Variants in LOC400499 observed in about 807,000 individuals in gnomAD.
chr16:11,388,651 T>C, the LOC400499 span, among the ~76,000 whole-genome samples: 1 of 152,152 alleles, frequency 6.6e-6, no homozygotes, highest in African/African-American at 2.4e-5. Flanking sequence ...AAGGGTCTTT[T>C]AAAGTGAAAG....
the LOC400499 span, among the ~76,000 whole-genome samples, chr16:11,451,578 AC>A: frequency 7.9e-6 from 1 of 127,014 alleles, no homozygotes; most frequent in African/African-American, 3.1e-5. Flanking sequence ...AAACAAACAA[AC>A]AAAAAACCAA....
At chr16:11,445,845 T>TC in the LOC400499 span, among the ~76,000 whole-genome samples, 1 of 151,116 alleles carries the variant, frequency 6.6e-6, no homozygotes, top group South Asian at 2.1e-4. Flanking sequence ...TTTTTTTTTT[T>TC]TTTCCTGAGG....
At chr16:11,516,710 G>A in the LOC400499 span, among the ~76,000 whole-genome samples, 3 of 152,160 alleles carry the variant, frequency 2.0e-5, no homozygotes, top group Non-Finnish European at 4.4e-5. Flanking sequence ...CTGTTGCCCA[G>A]GCTGAGCTCA....
At chr16:11,434,686 C>T in the LOC400499 span, among the ~76,000 whole-genome samples, 1 of 152,200 alleles carries the variant, frequency 6.6e-6, no homozygotes, top group Non-Finnish European at 1.5e-5. Context: ...AGCTACTGAG[C>T]ATGCTCACTG....
chr16:11,494,459 G>C, the LOC400499 span: 33 of 393,860 alleles, frequency 8.4e-5, no homozygotes, highest in African/African-American at 6.0e-4. Context: ...TGAGGGATAG[G>C]AGGAAGGGGC....
chr16:11,487,453 A>C, the LOC400499 span: 1 of 398,368 alleles, frequency 2.5e-6, no homozygotes, highest in Non-Finnish European at 4.4e-6. Flanking sequence ...CTATTACCAC[A>C]GGGCCATACC....
At chr16:11,410,168 A>G in the LOC400499 span, among the ~76,000 whole-genome samples, 37 of 152,262 alleles carry the variant, frequency 2.4e-4, no homozygotes, top group Non-Finnish European at 4.1e-4. Context: ...AAAACAAAAA[A>G]TAAGGCTGGG....
At chr16:11,525,034 C>T in the LOC400499 span, among the ~76,000 whole-genome samples, 4 of 152,170 alleles carry the variant, frequency 2.6e-5, no homozygotes, top group African/African-American at 9.7e-5. Flanking sequence ...CCTGTAATCC[C>T]AGTACTTTGG....
At chr16:11,492,449 C>G in the LOC400499 span, among the ~76,000 whole-genome samples, 46 of 151,998 alleles carry the variant, frequency 3.0e-4, no homozygotes, top group African/African-American at 1.0e-3. Context: ...TATCCTAGTG[C>G]AGGGAGACAG....
chr16:11,469,475 G>C, the LOC400499 span: 1 of 399,006 alleles, frequency 2.5e-6, no homozygotes, highest in Non-Finnish European at 4.4e-6. Flanking sequence ...CCGAGTGAGG[G>C]GCGCAGTGAG....
At chr16:11,501,269 G>C in the LOC400499 span, among the ~76,000 whole-genome samples, 1 of 152,110 alleles carries the variant, frequency 6.6e-6, no homozygotes, top group Non-Finnish European at 1.5e-5. Flanking sequence ...CACCGAGAAG[G>C]GGTAAAAATC....
the LOC400499 span, among the ~76,000 whole-genome samples, chr16:11,437,907 T>C: frequency 1.3e-5 from 2 of 152,182 alleles, no homozygotes; most frequent in Non-Finnish European, 2.9e-5. Context: ...ACTCATTAGA[T>C]GACCCAGCAT....
At chr16:11,453,803 C>CA in the LOC400499 span, among the ~76,000 whole-genome samples, 23 of 148,428 alleles carry the variant, frequency 1.5e-4, no homozygotes, top group Non-Finnish European at 2.7e-4. Context: ...CCCCATTCTC[C>CA]AAAAAAAAGA....
chr16:11,408,110 G>C, the LOC400499 span, among the ~76,000 whole-genome samples: 1 of 150,850 alleles, frequency 6.6e-6, no homozygotes, highest in Non-Finnish European at 1.5e-5. Flanking sequence ...AGCCTCCTGA[G>C]TAACCAAGAT....
chr16:11,396,805 G>A, the LOC400499 span: 1 of 735,610 alleles, frequency 1.4e-6, no homozygotes, highest in Non-Finnish European at 1.9e-6. Context: ...GCTCACAGCT[G>A]ACCTCTAAGA....
At chr16:11,435,465 G>A in the LOC400499 span, among the ~76,000 whole-genome samples, 1 of 152,144 alleles carries the variant, frequency 6.6e-6, no homozygotes, top group Non-Finnish European at 1.5e-5. Flanking sequence ...ACGCAAAAAA[G>A]AAACAAAGGG....
At chr16:11,494,741 C>G in the LOC400499 span, 3 of 399,082 alleles carry the variant, frequency 7.5e-6, no homozygotes, top group Admixed American at 4.4e-5. Context: ...AGGGCTGGCC[C>G]TCGGGGTCTG....
the LOC400499 span, among the ~76,000 whole-genome samples, chr16:11,433,058 A>C: frequency 1.3e-5 from 2 of 152,308 alleles, no homozygotes; most frequent in Non-Finnish European, 2.9e-5. Flanking sequence ...TTTATAAATA[A>C]AGTTTTATTG....
chr16:11,462,894 A>C, the LOC400499 span, among the ~76,000 whole-genome samples: 1 of 151,932 alleles, frequency 6.6e-6, no homozygotes, highest in African/African-American at 2.4e-5. Context: ...CACTTCTGCC[A>C]CCTCCGCTGC....
Sources: allele counts gnomAD v4.1 joint callset (sites outside exome capture counted in the v4.1 genomes callset), GRCh38; gene constraint gnomAD v4.1.1; transcripts MANE v1.5.